JAG1: variants seen among roughly 807,000 people sequenced by gnomAD.
JAG1 encodes the protein jagged canonical Notch ligand 1, also known as protein jagged-1.
JAG1 carries 23 observed loss-of-function variants against 148.7 expected under a neutral mutation model. The observed-to-expected ratio is 0.15, with a 90% CI of 0.11 to 0.22. The LOEUF is 0.22. Among genes scored for constraint, JAG1 ranks in the 10% least tolerant of loss-of-function variants. The pLI is 1.00. For synonymous variants in JAG1, 572 were observed against 598.3 expected (o/e 0.96, Z 0.64); for missense variants, 1,054 against 1,611.2 (o/e 0.65, Z 5.92).
chr20:10,650,825 ACTC>A lies in JAG1; in HGVS notation c.1121-468_1121-466del, dbSNP rs2067340914. On this transcript the variant is annotated intron_variant, in intron 8 of 25. Coordinates refer to ENST00000254958, the MANE Select transcript of JAG1 (RefSeq NM_000214.3). ...TCCACTTCTGCTCTGACCAGAGACA[ACTC>A]CTAACAATTTATGAAGTATTCACTT... 1.7e-5 allele frequency: 3 copies of A among 176,386 alleles called. 1 individual carries two copies. The highest frequency in any genetic ancestry group is 3.7e-5 in the Non-Finnish European group (3 of 81,996). 10.9% of individuals were successfully genotyped at this position (176,386 alleles called of 1,614,324 possible). A position where few individuals can be genotyped will look rare whatever the true frequency, so the allele number is the denominator to read the frequency against.
At chr20:10,643,588 A>G (rs2067287816) in intron 20 of JAG1, among the ~76,000 whole-genome samples, 190 bp downstream of exon 20, 1 of 152,152 alleles carries the variant, frequency 6.6e-6, no homozygotes, top group Non-Finnish European at 1.5e-5. Flanking sequence ...CCACCCAGGG[A>G]ACTACCAGCA....
At chr20:10,641,435 A>AT (rs1568791908) in intron 23 of JAG1, 25 bp downstream of exon 23, 5 of 1,604,292 alleles carry the variant, frequency 3.1e-6, no homozygotes, top group Non-Finnish European at 4.3e-6. Flanking sequence ...CACCATTCAA[A>AT]AAAAAAACAA....
rs908755268 is a variant in JAG1, at chr20:10,639,808, C to T, written c.3347G>A (p.Arg1116Gln). The T allele has an allele frequency of 1.4e-5, 22 of 1,614,082 alleles. No homozygotes were observed. The highest frequency in any genetic ancestry group is 2.2e-5 in the South Asian group (2 of 91,080). The change falls in exon 26 of 26, where the codon CGG (arginine) becomes CAG (glutamine). Residue 1116 changes from arginine to glutamine, a missense_variant. Transcript: ENST00000254958. ...ASEDNTTNNV[R>Q]EQLNQIKNPI... Reference sequence around the variant, plus strand: ...GTTTTTGATCTGGTTCAGCTGCTCCCGCACGTTGTTGGTGGTGTTGTCCTC... The same window carrying T: ...GTTTTTGATCTGGTTCAGCTGCTCCTGCACGTTGTTGGTGGTGTTGTCCTC...
chr20:10,658,741 A>C lies in JAG1; in HGVS notation c.440-19T>G, dbSNP rs1414458752. ...TCAGGTTCTAGAGACAAAGTGATGA[A>C]TCATGTTAATATTCACATTGCAGCC... On this transcript the variant is annotated intron_variant, in intron 3 of 25. Coordinates refer to ENST00000254958, the MANE Select transcript of JAG1 (RefSeq NM_000214.3). 6.2e-7 allele frequency: 1 copy of C among 1,613,796 alleles called. No homozygotes were observed. The highest frequency in any genetic ancestry group is 1.3e-5 in the African/African-American group (1 of 74,946).
intron 3 of JAG1, among the ~76,000 whole-genome samples, chr20:10,662,742 C>T (rs1375503677): frequency 6.6e-6 from 1 of 152,044 alleles, no homozygotes; most frequent in Non-Finnish European, 1.5e-5. Flanking sequence ...CCTGCCACCC[C>T]CACACACACC....
chr20:10,664,077 A>G, intron 2 of JAG1, 63 bp from the exon 3 acceptor site: 1 of 1,327,614 alleles, frequency 7.5e-7, no homozygotes, highest in East Asian at 2.3e-5. Flanking sequence ...AATCTCGTAC[A>G]TTCTTGGCCT....
At chr20:10,670,800 T>C (rs1210622448) in intron 2 of JAG1, among the ~76,000 whole-genome samples, 1 of 152,212 alleles carries the variant, frequency 6.6e-6, no homozygotes, top group African/African-American at 2.4e-5. Flanking sequence ...GTCTATTTCA[T>C]GGTTGGTGAC....
At chr20:10,649,206 C>T (rs560107796) in intron 10 of JAG1, 99 bp from the exon 11 acceptor site, 4 of 849,822 alleles carry the variant, frequency 4.7e-6, no homozygotes, top group Non-Finnish European at 5.9e-6. Flanking sequence ...AGTTTCAAAT[C>T]AGATTTCCTG....
chr20:10,672,646 C>G (rs1035489001), intron 2 of JAG1, 55 bp downstream of exon 2: 4 of 1,560,248 alleles, frequency 2.6e-6, no homozygotes, highest in Non-Finnish European at 2.6e-6. Flanking sequence ...TAACAGGGCT[C>G]GGCCAGGCGC....
At chr20:10,650,145 A>G in intron 9 of JAG1, 102 bp downstream of exon 9, 1 of 742,010 alleles carries the variant, frequency 1.3e-6, no homozygotes, top group Non-Finnish European at 2.4e-6. Flanking sequence ...AGCATGATGG[A>G]GTGTGAACTC....
intron 2 of JAG1, among the ~76,000 whole-genome samples, chr20:10,670,255 C>T (rs899698306): frequency 6.6e-6 from 1 of 152,226 alleles, no homozygotes; most frequent in East Asian, 1.9e-4. Flanking sequence ...ACCTTCTACA[C>T]TGACCTACCC....
rs1415582199 is a variant in JAG1, at chr20:10,644,990, AGAG to A, written c.2228-14_2228-12del. The A allele has an allele frequency of 6.2e-7, 1 of 1,606,504 alleles. No homozygotes were observed. Among genetic ancestry groups the A allele is most frequent in the East Asian group, 2.2e-5 (1 of 44,736 alleles). On this transcript the variant is annotated splice_polypyrimidine_tract_variant and intron_variant, in intron 17 of 25. Transcript: ENST00000254958. ...AGCTACTGTTTCGGGCTATAAAAGA[AGAG>A]CAGACACGACCACCCTCCCTGAGTA...
chr20:10,646,679 G>A (rs1568795023), intron 14 of JAG1, among the ~76,000 whole-genome samples: 2 of 152,140 alleles, frequency 1.3e-5, no homozygotes, highest in South Asian at 4.1e-4. Flanking sequence ...GGGCGTGGTG[G>A]GCGTGGTGCG....
Position 10,643,855 on chromosome 20 carries a change from C to G in JAG1, c.2381G>C (p.Ser794Thr). 1 of 1,613,924 alleles carries G rather than the reference C, an allele frequency of 6.2e-7. No individual in the cohort carries two copies. Among genetic ancestry groups the G allele is most frequent in the Non-Finnish European group, 8.5e-7 (1 of 1,179,866 alleles). ...GTTGTCTCCATCCACACAGGTGCCG[C>G]TGTTGTAACTAAGAAAGCAAAGACC... Reference protein sequence around the residue: ...NDCSPHPCYNSGTCVDGDNWY... With the variant: ...NDCSPHPCYNTGTCVDGDNWY... Residue 794 changes from serine (S) to threonine (T), a missense_variant, in exon 20 of 26, where the codon AGC becomes ACC. Physicochemically the swap from Ser to Thr is moderately conservative, Grantham distance 58. Transcript: ENST00000254958.
At chr20:10,648,820 C>G (rs956150699) in intron 11 of JAG1, 98 bp from the exon 12 acceptor site, 1 of 1,231,632 alleles carries the variant, frequency 8.1e-7, no homozygotes, top group Non-Finnish European at 1.2e-6. Flanking sequence ...TGCGGTTTAG[C>G]TGGTTCACTG....
chr20:10,671,878 C>CACCCT (rs1190742115), intron 2 of JAG1, among the ~76,000 whole-genome samples: 2 of 152,030 alleles, frequency 1.3e-5, no homozygotes, highest in African/African-American at 4.8e-5. Flanking sequence ...CTATCACTTA[C>CACCCT]ACCCTCAGGC....
intron 2 of JAG1, among the ~76,000 whole-genome samples, chr20:10,665,142 G>A (rs1382990503): frequency 6.6e-6 from 1 of 152,126 alleles, no homozygotes; most frequent in Non-Finnish European, 1.5e-5. Context: ...GCCACCAGAA[G>A]CACACTGCTG....
chr20:10,669,331 G>C (rs1468258598), intron 2 of JAG1, among the ~76,000 whole-genome samples: 2 of 151,838 alleles, frequency 1.3e-5, no homozygotes, highest in African/African-American at 4.8e-5. Flanking sequence ...AAAGGAGGCA[G>C]GTCAAATCAG....
In JAG1 at chr20:10,639,966, G is replaced by T; in HGVS notation, c.3200-11C>A. 1 of 1,599,168 alleles carries T rather than the reference G, an allele frequency of 6.3e-7. No homozygotes were observed. On this transcript the variant is annotated splice_polypyrimidine_tract_variant and intron_variant, in intron 25 of 25. Transcript: ENST00000254958. Reference sequence around the variant, plus strand: ...AGGGAACAAGGAAATCTGTAAGGCAGGCACAAAACCAATTAACTCTCCAAG... The same window carrying T: ...AGGGAACAAGGAAATCTGTAAGGCATGCACAAAACCAATTAACTCTCCAAG...
Sources: gnomAD v4.1 joint callset for allele counts (sites outside exome capture counted in the v4.1 genomes callset) on GRCh38, gnomAD v4.1.1 for gene constraint, MANE v1.5 for transcripts, NCBI Gene and HGNC (gene_info 2026-07-23, HGNC 2026-07-21) for gene names.